Variants in KANK3 observed in about 807,000 individuals in gnomAD.
KANK3 encodes the protein KN motif and ankyrin repeat domains 3, also known as KN motif and ankyrin repeat domain-containing protein 3.
KANK3 carries 61 observed loss-of-function variants against 65.4 expected under a neutral mutation model. That is an observed-to-expected ratio of 0.93 (90% CI 0.76 to 1.15). KANK3 has a LOEUF of 1.15. Among genes scored for constraint, KANK3 ranks in the 50% most tolerant of loss-of-function variants. The pLI, the probability that KANK3 is intolerant of heterozygous loss-of-function variation, is 0.00. For missense variants in KANK3, 1,187 were observed against 1,178.8 expected (o/e 1.01, Z -0.10); for synonymous variants, 586 against 543.3 (o/e 1.08, Z -1.09).
chr19:8,325,006 A>T lies in KANK3; in HGVS notation c.2027T>A (p.Met676Lys), dbSNP rs752612015. Residue 676 changes from methionine to lysine, a missense_variant, in exon 8 of 11, where the codon ATG becomes AAG. By Grantham distance (95) the Met-to-Lys change is moderately conservative. This residue lies in a region of KANK3 where 1,078 missense variants were observed against 1,038.2 expected (regional missense o/e 1.04). Coordinates refer to ENST00000330915, the MANE Select transcript of KANK3 (RefSeq NM_198471.3). ...GCAGAAGAGTCTCTGGACCACAGCC[A>T]TGTCCTCCTCTTCCTGCCTCACAGA... ...LTSVRQEEED[M>K]AVVQRLFCMG... 6.2e-7 allele frequency: 1 copy of T among 1,608,208 alleles called. No individual in the cohort carries two copies.
intron 1 of KANK3, among the ~76,000 whole-genome samples, chr19:8,339,587 T>C (rs1180994308): frequency 6.6e-6 from 1 of 152,084 alleles, no homozygotes; most frequent in Admixed American, 6.6e-5. Context: ...CTCGAACTCC[T>C]GACCTCAGGT....
At chr19:8,328,194 A>G (rs963889654) in intron 7 of KANK3, among the ~76,000 whole-genome samples, 6 of 152,194 alleles carry the variant, frequency 3.9e-5, no homozygotes, top group African/African-American at 1.4e-4. Context: ...GGGAGGATCA[A>G]TTAGGCCCAG....
chr19:8,334,908 C>T lies in KANK3; in HGVS notation c.919G>A (p.Ala307Thr). ...TPQTREVAAE[A>T]VPETREAGAQ... ...CCCGCTTCTCGGGTCTCGGGCACGG[C>T]CTCGGCGGCCACCTCCCGGGTCTGG... Residue 307 changes from alanine to threonine, a missense_variant, in exon 3 of 11, where the codon GCC becomes ACC. By Grantham distance (58) the Ala-to-Thr change is moderately conservative. Transcript: ENST00000330915. 1 of 1,460,292 alleles carries T rather than the reference C, an allele frequency of 6.8e-7. No homozygotes were observed. The highest frequency in any genetic ancestry group is 9.0e-7 in the Non-Finnish European group (1 of 1,116,130). The allele number at this position is 1,460,292 out of a possible 1,614,324, so 90.5% of individuals were successfully genotyped here.
At chr19:8,339,278 T>A (rs1012721291) in intron 1 of KANK3, among the ~76,000 whole-genome samples, 5 of 151,940 alleles carry the variant, frequency 3.3e-5, no homozygotes, top group African/African-American at 9.7e-5. Flanking sequence ...ATCTCAGCAC[T>A]CTGGGAAGCC....
intron 2 of KANK3, among the ~76,000 whole-genome samples, chr19:8,336,995 A>G (rs1970651006): frequency 6.6e-6 from 1 of 151,672 alleles, no homozygotes; most frequent in African/African-American, 2.4e-5. Flanking sequence ...GGTATAGTCC[A>G]CTTGCGATTA....
At chr19:8,329,484 C>G (rs1349215931) in intron 7 of KANK3, among the ~76,000 whole-genome samples, 2 of 111,498 alleles carry the variant, frequency 1.8e-5, no homozygotes, top group Non-Finnish European at 3.4e-5. Context: ...CAGAGCAAGA[C>G]TCGGCCTCAA....
chr19:8,322,911 G>T lies in KANK3; in HGVS notation c.2394C>A (p.Pro798=), dbSNP rs755043879. 1.3e-6 allele frequency: 2 copies of T among 1,541,620 alleles called. No homozygotes were observed. The highest frequency in any genetic ancestry group is 4.1e-5 in the Admixed American group (2 of 49,256). The change falls in exon 11 of 11, where the codon CCC becomes CCA. Residue 798 remains proline (P), a synonymous_variant. Transcript: ENST00000330915. ...CAGGTGTGGCTGTCTGGGAGCCAGG[G>T]GGTGACTCGCTCTGGAGAGAGGGGA... The part of the protein sequence containing the change: ...SGQPDTQSES[P]PGSQTATPGE...
intron 7 of KANK3, among the ~76,000 whole-genome samples, chr19:8,331,217 G>T (rs1055890867): frequency 8.4e-6 from 1 of 119,504 alleles, no homozygotes. Context: ...ACAAAAAAGG[G>T]GTGGGGGGGG....
Position 8,334,374 on chromosome 19 carries a change from G to A in KANK3, c.1373C>T (p.Ala458Val). Residue 458 changes from alanine (A) to valine (V), a missense_variant, in exon 4 of 11, where the codon GCC becomes GTC. Transcript: ENST00000330915. Reference protein sequence around the residue: ...IMKKRDGTPGAQPSSGPKSLQ... With the variant: ...IMKKRDGTPGVQPSSGPKSLQ... ...GCTCTTGGGTCCGGAGCTGGGTTGG[G>A]CACCAGGTGTGCCGTCTCTCTTCTT... The A allele has an allele frequency of 6.2e-7, 1 of 1,614,134 alleles. No homozygotes were observed. The highest frequency in any genetic ancestry group is 2.2e-5 in the East Asian group (1 of 44,884).
At chr19:8,332,263 T>C (rs1430115862) in intron 7 of KANK3, among the ~76,000 whole-genome samples, 1 of 151,950 alleles carries the variant, frequency 6.6e-6, no homozygotes, top group Non-Finnish European at 1.5e-5. Flanking sequence ...CTGCAACCTC[T>C]GCCTCCCAGG....
chr19:8,335,199 G>A lies in KANK3; in HGVS notation c.628C>T (p.Leu210=), dbSNP rs1000873248. The A allele has an allele frequency of 2.5e-6, 3 of 1,219,306 alleles. No homozygotes were observed. The highest frequency in any genetic ancestry group is 3.2e-5 in the African/African-American group (2 of 62,796). The allele number at this position is 1,219,306 out of a possible 1,614,324, so 75.5% of individuals were successfully genotyped here. The change falls in exon 3 of 11, where the codon CTG becomes TTG. Residue 210 remains leucine, a synonymous_variant. Transcript: ENST00000330915. ...CGCAGCGCGCGCACCTGCTCCTGCA[G>A]CTCGGGCAGCGTTCGCGCCTGGTCC... ...LEDQARTLPE[L]QEQVRALRAE... is the part of the protein sequence containing the mutation.
At position 8,335,094 on chromosome 19, in the gene KANK3, C is replaced by T; in HGVS notation, c.733G>A (p.Ala245Thr). Residue 245 changes from alanine to threonine, a missense_variant, in exon 3 of 11, where the codon GCC becomes ACC. By Grantham distance (58) the Ala-to-Thr change is moderately conservative. This residue lies in a region of KANK3 where 1,078 missense variants were observed against 1,038.2 expected (regional missense o/e 1.04). Coordinates refer to ENST00000330915, the MANE Select transcript of KANK3 (RefSeq NM_198471.3). ...CGCTCGGTGAGCCGCCGCAGCTGGG[C>T]GAGCTTGTCCGGGCGCGTCTCAGCC... ...GEAETRPDKLAQLRRLTERLA... is the reference protein window; with the variant it reads ...GEAETRPDKLTQLRRLTERLA... 2 of 1,299,334 alleles carry T rather than the reference C, an allele frequency of 1.5e-6. No homozygotes were observed. Among genetic ancestry groups the T allele is most frequent in the Non-Finnish European group, 1.9e-6 (2 of 1,028,064 alleles). 80.5% of individuals were successfully genotyped at this position (1,299,334 alleles called of 1,614,324 possible).
chr19:8,323,327 T>C (rs930548649), intron 10 of KANK3: 3 of 157,278 alleles, frequency 1.9e-5, no homozygotes, highest in African/African-American at 7.2e-5. Flanking sequence ...GAATGTCTTA[T>C]GTAATTTATT....
intron 7 of KANK3, among the ~76,000 whole-genome samples, chr19:8,325,832 A>G (rs10409529): frequency 0.27 from 40,341 of 151,442 alleles, 5,637 homozygotes; most frequent in African/African-American, 0.34. Flanking sequence ...AGGAGCAACT[A>G]TTTATTTATT....
At position 8,333,049 on chromosome 19, in the gene KANK3, C is replaced by T; in HGVS notation, c.1901G>A (p.Gly634Glu). 1 of 1,387,898 alleles carries T rather than the reference C, an allele frequency of 7.2e-7. No individual in the cohort carries two copies. The highest frequency in any genetic ancestry group is 1.1e-5 in the South Asian group (1 of 88,150). The allele number at this position is 1,387,898 out of a possible 1,614,324, so 86.0% of individuals were successfully genotyped here. The change falls in exon 7 of 11, where the codon GGG becomes GAG. Residue 634 changes from glycine (G) to glutamate (E), a missense_variant. This residue lies in a region of KANK3 where 1,078 missense variants were observed against 1,038.2 expected (regional missense o/e 1.04). Coordinates refer to ENST00000330915, the MANE Select transcript of KANK3 (RefSeq NM_198471.3). The surrounding 1 kb of genome is among the most constrained non-coding windows in gnomAD (Gnocchi z 5.0). ...NTALHYSVSH[G>E]NLAIASLLLD... ...GAGCAGGCTTGCGATGGCCAGGTTC[C>T]CGTGGGACACACTGTAGTGCAGGGC...
chr19:8,335,006 C>T lies in KANK3; in HGVS notation c.821G>A (p.Gly274Asp), dbSNP rs752440178. 2.0e-6 allele frequency: 3 copies of T among 1,473,616 alleles called. No homozygotes were observed. Among genetic ancestry groups the T allele is most frequent in the East Asian group, 3.0e-5 (1 of 33,850 alleles). The allele number at this position is 1,473,616 out of a possible 1,614,324, so 91.3% of individuals were successfully genotyped here. A position where few individuals can be genotyped will look rare whatever the true frequency, so the allele number is the denominator to read the frequency against. Residue 274 changes from glycine (G) to aspartate (D), a missense_variant, in exon 3 of 11, where the codon GGC becomes GAC. Transcript: ENST00000330915. ...GCCCTCGCTGCGCCCTGCAGCCAGGCCGTCTGGGCTGTCAGCCCGGGGGCT... is the reference window on the plus strand; with the variant it reads ...GCCCTCGCTGCGCCCTGCAGCCAGGTCGTCTGGGCTGTCAGCCCGGGGGCT... ...RASPRADSPD[G>D]LAAGRSEGAL...
At chr19:8,339,059 C>T (rs1456417757) in intron 1 of KANK3, among the ~76,000 whole-genome samples, 2 of 152,028 alleles carry the variant, frequency 1.3e-5, no homozygotes, top group African/African-American at 2.4e-5. Flanking sequence ...AGGCTTGATC[C>T]TTGGCTTGTA....
chr19:8,341,418 G>A (rs908533629), intron 1 of KANK3, among the ~76,000 whole-genome samples: 7 of 151,330 alleles, frequency 4.6e-5, no homozygotes, highest in African/African-American at 1.2e-4. Context: ...AAATTTTTTG[G>A]TTTTTTGTTT....
rs564028402 is a variant in KANK3 at position 8,324,610 on chromosome 19, G to A, written c.2283+20C>T. ...GCCATGGGCACCCCCCAAGATGCCA[G>A]CCCCATTGTGGGGTCTTACATTGTC... On this transcript the variant is annotated intron_variant, in intron 9 of 10. Transcript: ENST00000330915. 3 of 1,613,194 alleles carry A rather than the reference G, an allele frequency of 1.9e-6. No homozygotes were observed. The East Asian group carries it at 6.7e-5, about 36-fold the overall frequency.
Sources: gnomAD v4.1 joint callset for allele counts (sites outside exome capture counted in the v4.1 genomes callset) on GRCh38, gnomAD v4.1.1 for gene constraint, gnomAD v4.1.1 regional missense constraint, Gnocchi (gnomAD v3.1) non-coding constraint, MANE v1.5 for transcripts, NCBI Gene and HGNC (gene_info 2026-07-23, HGNC 2026-07-21) for gene names.